DIP2B: variants seen among roughly 807,000 people sequenced by gnomAD.
DIP2B encodes DIP2 acetate--CoA ligase B (putative).
A neutral mutation model predicts 198.0 loss-of-function variants in DIP2B; 76 were observed. The observed-to-expected ratio is 0.38, with a 90% confidence interval of 0.32 to 0.46. The LOEUF is 0.46. Ranked by LOEUF, DIP2B falls within the 20% of genes least tolerant of loss-of-function variation. DIP2B has a pLI of 0.99. For synonymous variants in DIP2B, 701 were observed against 739.1 expected, an observed-to-expected ratio of 0.95 and a Z score of 0.84; for missense variants, 1,559 against 1,978.4, an observed-to-expected ratio of 0.79 and a Z score of 4.02.
chr12:50,589,979 C>T (rs1487031424), intron 1 of DIP2B, among the ~76,000 whole-genome samples: 1 of 149,932 alleles, frequency 6.7e-6, no homozygotes, highest in East Asian at 2.2e-4. Context: ...ATAGGCATTT[C>T]CTGTTTCTCT....
chr12:50,512,287 A>T (rs1332024411), intron 1 of DIP2B, among the ~76,000 whole-genome samples: 3 of 151,448 alleles, frequency 2.0e-5, no homozygotes, highest in African/African-American at 7.3e-5. Context: ...TTGTATTTTT[A>T]GTAGAGACGG....
intron 1 of DIP2B, among the ~76,000 whole-genome samples, chr12:50,594,155 G>A (rs1033847705): frequency 2.0e-5 from 3 of 150,788 alleles, no homozygotes. Flanking sequence ...TGTTGGCTGG[G>A]CTGGTCTCGA....
intron 1 of DIP2B, among the ~76,000 whole-genome samples, chr12:50,569,856 C>T (rs1726257068): frequency 6.6e-6 from 1 of 152,084 alleles, no homozygotes; most frequent in South Asian, 2.1e-4. Context: ...ACATGCTGGT[C>T]TTTTAAAATA....
In DIP2B at chr12:50,721,316, G is replaced by A; in HGVS notation, c.3086G>A (p.Arg1029Gln). 7 of 1,614,130 alleles carry A rather than the reference G, an allele frequency of 4.3e-6. No homozygotes were observed. The highest frequency in any genetic ancestry group is 1.1e-5 in the South Asian group (1 of 91,074). ...GCCAGCTGCCTTCAGCTTCATAAGC[G>A]AGCAGAGAGGATTGCATCTGTTCTT... ...CTASCLQLHKRAERIASVLGD... is the reference protein window; with the variant it reads ...CTASCLQLHKQAERIASVLGD... The change falls in exon 26 of 38, where the codon CGA becomes CAA. Residue 1029 changes from arginine (R) to glutamine (Q), a missense_variant. Arg to Gln is a conservative substitution (Grantham distance 43). Coordinates refer to ENST00000301180, the MANE Select transcript of DIP2B (RefSeq NM_173602.3).
At chr12:50,675,778 T>C (rs1187375499) in intron 7 of DIP2B, among the ~76,000 whole-genome samples, 2 of 152,214 alleles carry the variant, frequency 1.3e-5, no homozygotes. Context: ...CGGATGTGGA[T>C]ATCAAATTCA....
Position 50,532,302 on chromosome 12 carries a change from G to A in DIP2B, c.100+27062G>A, listed in dbSNP as rs187885646. On this transcript the variant is annotated intron_variant, in intron 1 of 37. Coordinates refer to ENST00000301180, the MANE Select transcript of DIP2B (RefSeq NM_173602.3). The stretch of plus-strand genomic sequence containing the variant: ...GGCTGAGGCAGGCAGATCATTTAAG[G>A]TCAGGAGTTCCAGACCAGTCTGGCC... Among the ~76,000 whole-genome samples, 1,024 of 152,168 alleles carry A rather than the reference G, an allele frequency of 6.7e-3. 4 individuals are homozygous for A. The highest frequency in any genetic ancestry group is 0.011 in the Non-Finnish European group (717 of 67,996).
intron 1 of DIP2B, among the ~76,000 whole-genome samples, chr12:50,555,816 C>T (rs1958465587): frequency 6.6e-6 from 1 of 152,004 alleles, no homozygotes; most frequent in African/African-American, 2.4e-5. Flanking sequence ...GAGGCCCCTT[C>T]TTTCCTTTTG....
At chr12:50,720,172 C>T (rs1034008408) in intron 25 of DIP2B, among the ~76,000 whole-genome samples, 3 of 151,960 alleles carry the variant, frequency 2.0e-5, no homozygotes, top group Non-Finnish European at 2.9e-5. Flanking sequence ...TCAGGATCCA[C>T]CTGCCTTGGC....
chr12:50,733,271 T>TCC, intron 32 of DIP2B, among the ~76,000 whole-genome samples: 1 of 117,406 alleles, frequency 8.5e-6, no homozygotes, highest in South Asian at 2.8e-4. Context: ...TTTTTTTTTT[T>TCC]CCAAACAATA....
rs904414292 is a variant in DIP2B, at chr12:50,693,102, G to C, written c.1719+89G>C. ...ATAACTGGAGCATCTCTCAGTGCTT[G>C]TTTGAAATTTAAATCCCCAAAAGGT... On this transcript the variant is annotated intron_variant, in intron 14 of 37. Coordinates refer to ENST00000301180, the MANE Select transcript of DIP2B (RefSeq NM_173602.3). The C allele has an allele frequency of 7.0e-6, 9 of 1,285,552 alleles. No individual in the cohort carries two copies. In the Admixed American group the frequency reaches 2.2e-4, roughly 32 times the overall value. The allele number at this position is 1,285,552 out of a possible 1,614,324, so 79.6% of individuals were successfully genotyped here. A position where few individuals can be genotyped will look rare whatever the true frequency, so the allele number is the denominator to read the frequency against.
At chr12:50,723,136 C>G in intron 26 of DIP2B, 66 bp from the exon 27 acceptor site, 1 of 1,583,144 alleles carries the variant, frequency 6.3e-7, no homozygotes, top group Non-Finnish European at 8.6e-7. Context: ...GGAAAATTTG[C>G]CTTTTAGTTT....
chr12:50,685,917 CTGCCAA>C lies in DIP2B; in HGVS notation c.1403_1408del (p.Leu468_Lys470delinsGln). ...TACCAGTGAAGTTTGTCTAAAAGGA[CTGCCAA>C]AAACCCAGAATGGAGAAATTGTACA... is the stretch of plus-strand genomic sequence containing the variant. On this transcript the variant is annotated inframe_deletion, in exon 11 of 38. Coordinates refer to ENST00000301180, the MANE Select transcript of DIP2B (RefSeq NM_173602.3). 1 of 1,613,974 alleles carries C rather than the reference CTGCCAA, an allele frequency of 6.2e-7. No individual in the cohort carries two copies. The highest frequency in any genetic ancestry group is 8.5e-7 in the Non-Finnish European group (1 of 1,179,882).
intron 8 of DIP2B, chr12:50,679,715 A>G (rs1023007743): frequency 2.6e-5 from 4 of 152,238 alleles, no homozygotes; most frequent in Non-Finnish European, 5.9e-5. Flanking sequence ...CATTTCATTC[A>G]TATAACCCTT....
chr12:50,638,904 C>T (rs7959088), intron 2 of DIP2B, among the ~76,000 whole-genome samples: 2 of 150,728 alleles, frequency 1.3e-5, no homozygotes, highest in Non-Finnish European at 2.9e-5. Flanking sequence ...TACCAGTTGA[C>T]CATCTGAAAT....
At chr12:50,662,847 A>G (rs1454235882) in intron 4 of DIP2B, among the ~76,000 whole-genome samples, 1 of 152,220 alleles carries the variant, frequency 6.6e-6, no homozygotes, top group Non-Finnish European at 1.5e-5. Context: ...ACGGTGGCTC[A>G]TGCCTGTAAT....
At chr12:50,556,601 T>C (rs955761764) in intron 1 of DIP2B, among the ~76,000 whole-genome samples, 1 of 151,026 alleles carries the variant, frequency 6.6e-6, no homozygotes, top group African/African-American at 2.4e-5. Flanking sequence ...TCGCCCAGGC[T>C]GGAGTGCAGT....
chr12:50,722,189 T>G (rs909194328), intron 26 of DIP2B, among the ~76,000 whole-genome samples: 1 of 152,284 alleles, frequency 6.6e-6, no homozygotes, highest in South Asian at 2.1e-4. Context: ...ACATCCAGCT[T>G]TCTTTGGCCT....
At chr12:50,535,524 G>C (rs1958255976) in intron 1 of DIP2B, among the ~76,000 whole-genome samples, 1 of 151,626 alleles carries the variant, frequency 6.6e-6, no homozygotes, top group African/African-American at 2.4e-5. Context: ...CCACCACCAT[G>C]CCCGGCTAAT....
chr12:50,636,646 A>G (rs1313052457), intron 2 of DIP2B, among the ~76,000 whole-genome samples: 1 of 152,234 alleles, frequency 6.6e-6, no homozygotes, highest in Non-Finnish European at 1.5e-5. Flanking sequence ...GCTGCTGAAT[A>G]ACTGGTCCTC....
Sources: allele counts gnomAD v4.1 joint callset (sites outside exome capture counted in the v4.1 genomes callset), GRCh38; gene constraint gnomAD v4.1.1; transcripts MANE v1.5; gene names NCBI Gene and HGNC (gene_info 2026-07-23, HGNC 2026-07-21).